The following FGF13 variants were observed in gnomAD, a reference collection of about 807,000 sequenced individuals.
The protein encoded by FGF13 is fibroblast growth factor 13.
FGF13 carries 2 observed loss-of-function variants against 19.5 expected under a neutral mutation model. That is an observed-to-expected ratio of 0.10 (90% CI 0.04 to 0.32). The LOEUF (loss-of-function observed/expected upper bound fraction) is 0.32, where lower values mean the gene tolerates loss of function less well. FGF13 is among the 10% of genes least tolerant of loss of function. The pLI is 1.00. For missense variants in FGF13, 113 were observed against 192.7 expected (o/e 0.59, Z 2.45); for synonymous variants, 72 against 76.9 (o/e 0.94, Z 0.33).
chrX:139,108,913 C>T (rs2083581204), intron 1 of FGF13, among the ~76,000 whole-genome samples: 1 of 105,720 alleles, frequency 9.5e-6, no homozygotes, highest in South Asian at 4.6e-4. Flanking sequence ...TGTTCCGCTC[C>T]CACTTATAAG....
chrX:138,763,043 A>T (rs1421931653), intron 3 of FGF13, among the ~76,000 whole-genome samples: 1 of 111,172 alleles, frequency 9.0e-6, no homozygotes, highest in African/African-American at 3.3e-5. Context: ...ACCATACTTG[A>T]CTATAAGTAG....
intron 1 of FGF13, among the ~76,000 whole-genome samples, chrX:139,199,836 A>G (rs1271160534): frequency 1.8e-5 from 2 of 112,387 alleles, no homozygotes; most frequent in African/African-American, 6.5e-5. Context: ...GCTTAGAGGA[A>G]GCAGTACTAA....
At chrX:138,936,465 C>T (rs760374103) in intron 1 of FGF13, among the ~76,000 whole-genome samples, 1 of 112,296 alleles carries the variant, frequency 8.9e-6, no homozygotes, top group East Asian at 2.8e-4. Context: ...ATTACCTAGA[C>T]ATAGTAAGGG....
chrX:138,716,312 G>C (rs772529203), upstream of FGF13: 1 of 112,345 alleles, frequency 8.9e-6, no homozygotes, highest in African/African-American at 3.2e-5. Flanking sequence ...GTATTTACGA[G>C]ATGAGGTAGC....
intron 4 of FGF13, 114 bp from the exon 5 acceptor site, chrX:138,633,100 T>G: frequency 1.3e-6 from 1 of 752,516 alleles, no homozygotes. Flanking sequence ...GATAAGTATG[T>G]GAGGTAATGC....
At chrX:139,098,070 CAAACAA>C (rs1412726359) in intron 1 of FGF13, among the ~76,000 whole-genome samples, 2 of 111,283 alleles carry the variant, frequency 1.8e-5, no homozygotes, top group African/African-American at 6.5e-5. Context: ...CACACACACA[CAAACAA>C]AAAGTTTGGA....
chrX:138,972,281 T>C (rs760787563), intron 1 of FGF13, among the ~76,000 whole-genome samples: 20 of 104,919 alleles, frequency 1.9e-4, no homozygotes, highest in African/African-American at 6.2e-4. Flanking sequence ...GAAGTTTCCA[T>C]ACTGTTGACT....
At chrX:138,957,624 C>G (rs776289080) in intron 1 of FGF13, among the ~76,000 whole-genome samples, 1 of 111,527 alleles carries the variant, frequency 9.0e-6, no homozygotes, top group South Asian at 3.8e-4. Flanking sequence ...GCCATTTTCA[C>G]GATATTGATT....
intron 1 of FGF13, among the ~76,000 whole-genome samples, chrX:139,185,577 C>T (rs1346238797): frequency 1.8e-5 from 2 of 111,421 alleles, no homozygotes; most frequent in South Asian, 3.8e-4. Flanking sequence ...CGGAGTCCAC[C>T]GTGCATGTCC....
intron 1 of FGF13, among the ~76,000 whole-genome samples, chrX:139,021,848 C>A (rs2092179420): frequency 9.0e-6 from 1 of 111,690 alleles, no homozygotes; most frequent in Non-Finnish European, 1.9e-5. Context: ...ATATTTTGAA[C>A]AAAGTATGCA....
chrX:138,808,452 G>A (rs1249893871), intron 3 of FGF13, among the ~76,000 whole-genome samples: 1 of 111,675 alleles, frequency 9.0e-6, no homozygotes, highest in Non-Finnish European at 1.9e-5. Context: ...GTGTGCAGAG[G>A]GAAATTTAGA....
At chrX:139,153,129 T>C (rs2083948658) in intron 1 of FGF13, among the ~76,000 whole-genome samples, 1 of 111,226 alleles carries the variant, frequency 9.0e-6, no homozygotes, top group Non-Finnish European at 1.9e-5. Context: ...AAAGTATTGA[T>C]CAGATTGAAC....
intron 1 of FGF13, among the ~76,000 whole-genome samples, chrX:139,065,489 A>G (rs1331963780): frequency 1.9e-4 from 18 of 92,660 alleles, no homozygotes; most frequent in East Asian, 9.8e-4. Flanking sequence ...AGCAAAAAAA[A>G]AAAAAAGAAA....
intron 3 of FGF13, among the ~76,000 whole-genome samples, chrX:138,650,263 T>C (rs767129252): frequency 4.4e-5 from 5 of 112,481 alleles, no homozygotes; most frequent in Non-Finnish European, 9.4e-5. Flanking sequence ...AAAGGATTCA[T>C]TTGGTAAATT....
intron 1 of FGF13, among the ~76,000 whole-genome samples, chrX:138,978,140 T>C (rs919544934): frequency 2.3e-4 from 26 of 111,107 alleles, no homozygotes; most frequent in Non-Finnish European, 4.3e-4. Flanking sequence ...CATGACTTGA[T>C]GGACCGTCCA....
chrX:139,165,526 A>G (rs2148258629), intron 1 of FGF13, among the ~76,000 whole-genome samples: 1 of 111,307 alleles, frequency 9.0e-6, no homozygotes, highest in Non-Finnish European at 1.9e-5. Flanking sequence ...CACTTTGGAT[A>G]TTTTTTACTC....
intron 3 of FGF13, among the ~76,000 whole-genome samples, chrX:138,779,469 A>C (rs2090619483): frequency 9.1e-6 from 1 of 109,977 alleles, no homozygotes; most frequent in Non-Finnish European, 1.9e-5. Context: ...AAGTGCTGAA[A>C]GGAGCTGATG....
intron 1 of FGF13, among the ~76,000 whole-genome samples, chrX:139,148,871 G>T (rs12688740): frequency 0.2 from 21,724 of 110,009 alleles, 1,939 homozygotes; most frequent in East Asian, 0.45. Context: ...TGACAATAAT[G>T]GGGGCAGGAT....
rs2090014280 is a variant in FGF13, at chrX:138,708,614, G to A, written c.298+204C>T. 1.3e-4 allele frequency among the ~76,000 whole-genome samples: 15 copies of A among 112,400 alleles called. No homozygotes were observed. The South Asian group carries it at 5.2e-3, about 39-fold the overall frequency. On this transcript the variant is annotated intron_variant, in intron 2 of 4. Transcript: ENST00000315930. ...ACATTTGGATTATTCTTCAGATGGT[G>A]TCAACATTATTTGCCCTAGTTTACT...
Sources: allele counts gnomAD v4.1 joint callset (sites outside exome capture counted in the v4.1 genomes callset), GRCh38; gene constraint gnomAD v4.1.1; transcripts MANE v1.5; gene names NCBI Gene and HGNC (gene_info 2026-07-23, HGNC 2026-07-21).